Variants in PIP4K2B observed in about 807,000 individuals in gnomAD.
The protein encoded by PIP4K2B is phosphatidylinositol 5-phosphate 4-kinase type-2 beta.
In PIP4K2B, 3 loss-of-function variants were observed where a neutral mutation model predicts 42.0. That is an observed-to-expected ratio of 0.07 (90% CI 0.03 to 0.18). The LOEUF is 0.18. Among genes scored for constraint, PIP4K2B ranks in the 10% least tolerant of loss-of-function variants. The pLI is 1.00. For missense variants in PIP4K2B, 332 were observed against 562.3 expected, an observed-to-expected ratio of 0.59 and a Z score of 4.14; for synonymous variants, 204 against 210.1, an observed-to-expected ratio of 0.97 and a Z score of 0.25.
intron 5 of PIP4K2B, 37 bp downstream of exon 5, chr17:38,779,346 G>C: frequency 6.3e-7 from 1 of 1,582,584 alleles, no homozygotes; most frequent in Non-Finnish European, 8.7e-7. Flanking sequence ...CTCAGATAGA[G>C]GGGAGGCACA....
intron 3 of PIP4K2B, among the ~76,000 whole-genome samples, chr17:38,783,022 C>T (rs1453271752): frequency 7.9e-5 from 12 of 151,090 alleles, no homozygotes; most frequent in Admixed American, 7.3e-4. Flanking sequence ...CCCGTCTCTA[C>T]TAAAAAAAAA....
intron 8 of PIP4K2B, among the ~76,000 whole-genome samples, 156 bp from the exon 9 acceptor site, chr17:38,770,695 T>C (rs559708936): frequency 2.0e-5 from 3 of 152,262 alleles, no homozygotes; most frequent in African/African-American, 7.2e-5. Flanking sequence ...CCAGCTGTCA[T>C]AGCTCTTATC....
chr17:38,779,356 A>T, intron 5 of PIP4K2B, 27 bp downstream of exon 5: 8 of 1,588,030 alleles, frequency 5.0e-6, no homozygotes, highest in Non-Finnish European at 6.0e-6. Flanking sequence ...GGGGAGGCAC[A>T]GCTCCGGCAA....
chr17:38,799,491 C>T lies in PIP4K2B; in HGVS notation c.-67G>A. The T allele has an allele frequency of 6.8e-7, 1 of 1,470,102 alleles. No individual in the cohort carries two copies. Among genetic ancestry groups the T allele is most frequent in the South Asian group, 1.3e-5 (1 of 74,466 alleles). 91.1% of individuals were successfully genotyped at this position (1,470,102 alleles called of 1,614,324 possible). On this transcript the variant is annotated 5_prime_UTR_variant, in exon 1 of 10. Transcript: ENST00000619039. The surrounding 1 kb of genome is among the most constrained non-coding windows in gnomAD (Gnocchi z 4.4). ...GAGACAGCGCACAAGCCAGCGGCCT[C>T]AGGCCTCCCCCGGACCGATCCCCAC...
At chr17:38,786,015 A>G (rs896894692) in intron 2 of PIP4K2B, among the ~76,000 whole-genome samples, 5 of 152,202 alleles carry the variant, frequency 3.3e-5, no homozygotes, top group Admixed American at 6.5e-5. Flanking sequence ...GGTATTACTT[A>G]CTATGGCAGA....
In PIP4K2B at chr17:38,769,357, C is replaced by T. The variant is rs773900911; in HGVS notation, c.*334G>A. On this transcript the variant is annotated 3_prime_UTR_variant, in exon 10 of 10. Transcript: ENST00000619039. ...ATTTCAGAAACAAAACCCAAATAAA[C>T]CCACGAAGTCATCTCTAGCCCCAAG... 3.6e-6 allele frequency: 1 copy of T among 278,808 alleles called. No individual in the cohort carries two copies. Among genetic ancestry groups the T allele is most frequent in the Non-Finnish European group, 6.7e-6 (1 of 149,030 alleles). The allele number at this position is 278,808 out of a possible 1,614,324, so 17.3% of individuals were successfully genotyped here.
intron 3 of PIP4K2B, among the ~76,000 whole-genome samples, chr17:38,783,341 T>C (rs550943364): frequency 9.3e-4 from 141 of 151,906 alleles, no homozygotes; most frequent in African/African-American, 3.0e-3. Flanking sequence ...ACAGAAACCA[T>C]GGACTGAGTC....
rs1428592272 is a variant in PIP4K2B, at chr17:38,767,880, G to T, written c.*1811C>A. ...GTCATGTAGTGGTCTTGCGGCAGTT[G>T]TTCAGACCTACCTATGGCCCCTTCC... On this transcript the variant is annotated 3_prime_UTR_variant, in exon 10 of 10. Transcript: ENST00000619039. The T allele has an allele frequency of 6.6e-6, 1 of 152,260 alleles. No individual in the cohort carries two copies. The highest frequency in any genetic ancestry group is 1.5e-5 in the Non-Finnish European group (1 of 68,056). The allele number at this position is 152,260 out of a possible 1,614,324, so 9.4% of individuals were successfully genotyped here.
intron 1 of PIP4K2B, among the ~76,000 whole-genome samples, chr17:38,797,568 G>A (rs922371833): frequency 6.6e-6 from 1 of 152,130 alleles, no homozygotes; most frequent in East Asian, 1.9e-4. Context: ...TCCTCCACCT[G>A]AGGCCTCCTT....
At chr17:38,787,892 T>C (rs1910125410) in intron 1 of PIP4K2B, among the ~76,000 whole-genome samples, 1 of 152,030 alleles carries the variant, frequency 6.6e-6, no homozygotes, top group African/African-American at 2.4e-5. Flanking sequence ...GCCACCACGC[T>C]CGGCTTTAAT....
intron 7 of PIP4K2B, among the ~76,000 whole-genome samples, chr17:38,773,406 C>G (rs893913331): frequency 4.6e-5 from 7 of 152,146 alleles, no homozygotes; most frequent in African/African-American, 1.7e-4. Context: ...TCATGTGACT[C>G]CCCTTGCCAA....
At chr17:38,786,700 GGTGCTGCTGTCA>G (rs1910031179) in intron 2 of PIP4K2B, 111 bp downstream of exon 2, 1 of 726,754 alleles carries the variant, frequency 1.4e-6, no homozygotes, top group Non-Finnish European at 2.5e-6. Context: ...CTGAGATCCA[GGTGCTGCTGTCA>G]CACCCTGCCA....
chr17:38,785,727 GAC>G (rs1049380374), intron 2 of PIP4K2B, among the ~76,000 whole-genome samples: 1 of 152,140 alleles, frequency 6.6e-6, no homozygotes, highest in Non-Finnish European at 1.5e-5. Flanking sequence ...TTGTTGGAAG[GAC>G]AAAAGGAATA....
At chr17:38,788,765 A>G (rs1910178430) in intron 1 of PIP4K2B, among the ~76,000 whole-genome samples, 1 of 152,120 alleles carries the variant, frequency 6.6e-6, no homozygotes, top group Admixed American at 6.5e-5. Context: ...AGCCTGGCCA[A>G]TATGGTGAAA....
At chr17:38,779,851 C>G (rs1298907242) in intron 4 of PIP4K2B, 3 of 308,002 alleles carry the variant, frequency 9.7e-6, no homozygotes, top group African/African-American at 6.3e-5. Context: ...CTGATCCACA[C>G]CTTGCATCTC....
At chr17:38,794,780 G>A (rs1334391885) in intron 1 of PIP4K2B, among the ~76,000 whole-genome samples, 1 of 151,836 alleles carries the variant, frequency 6.6e-6, no homozygotes, top group Non-Finnish European at 1.5e-5. Context: ...TTAAAAACTT[G>A]AACTTCAAAA....
In PIP4K2B at chr17:38,771,002, G is replaced by T. The variant is rs1908996816; in HGVS notation, c.1066+12C>A. ...GCAGGGCTGTGCAGAGCAGGCGCAG[G>T]CTCTGACTTACTTTCATGGCTTTTC... On this transcript the variant is annotated intron_variant, in intron 8 of 9. Coordinates refer to ENST00000619039, the MANE Select transcript of PIP4K2B (RefSeq NM_003559.5). 2 of 1,613,998 alleles carry T rather than the reference G, an allele frequency of 1.2e-6. No individual in the cohort carries two copies. The highest frequency in any genetic ancestry group is 1.7e-6 in the Non-Finnish European group (2 of 1,179,916).
At chr17:38,783,170 G>A (rs144438857) in intron 3 of PIP4K2B, among the ~76,000 whole-genome samples, 4,442 of 124,214 alleles carry the variant, frequency 0.036, 85 homozygotes, top group Non-Finnish European at 0.053. Flanking sequence ...ACTCCAGCCT[G>A]GATGACAGGA....
rs543230724 is a variant in PIP4K2B, at chr17:38,799,079, G to A, written c.159+187C>T. ...GCGACGGCAGACCACAGAGACACCAGGCCTCGCGTGGCGTGCGGGGAGTGC... is the reference window on the plus strand; with the variant it reads ...GCGACGGCAGACCACAGAGACACCAAGCCTCGCGTGGCGTGCGGGGAGTGC... On this transcript the variant is annotated intron_variant, in intron 1 of 9. Transcript: ENST00000619039. This position sits in a 1 kb window ranked among gnomAD's most constrained non-coding sequence, Gnocchi z 4.4. Among the ~76,000 whole-genome samples, 17 of 152,306 alleles carry A rather than the reference G, an allele frequency of 1.1e-4. No individual in the cohort carries two copies. In the South Asian group the frequency reaches 3.3e-3, roughly 30 times the overall value.
Sources: allele counts gnomAD v4.1 joint callset (sites outside exome capture counted in the v4.1 genomes callset), GRCh38; gene constraint gnomAD v4.1.1; non-coding constraint Gnocchi (gnomAD v3.1); transcripts MANE v1.5; gene names NCBI Gene and HGNC (gene_info 2026-07-23, HGNC 2026-07-21).